Variants in RAPGEF5 observed in about 807,000 individuals in gnomAD.
RAPGEF5 encodes Rap guanine nucleotide exchange factor 5.
Under a neutral mutation model 125.2 loss-of-function variants are expected in RAPGEF5, and 65 were observed. The ratio of observed to expected loss-of-function variants is 0.52; its 90% CI spans 0.43 to 0.64. The LOEUF is 0.64. RAPGEF5 is among the 30% of genes least tolerant of loss of function. RAPGEF5 has a pLI of 0.00. For missense variants in RAPGEF5, 958 were observed against 1,048.1 expected, an observed-to-expected ratio of 0.91 and a Z score of 1.19; for synonymous variants, 391 against 385.9, an observed-to-expected ratio of 1.01 and a Z score of -0.16.
intron 19 of RAPGEF5, 51 bp downstream of exon 19, chr7:22,146,846 A>C: frequency 6.3e-7 from 1 of 1,575,120 alleles, no homozygotes; most frequent in Admixed American, 1.9e-5. Flanking sequence ...CTTCACAAAG[A>C]ATTCACAGTT....
chr7:22,157,744 T>C, intron 15 of RAPGEF5, 111 bp downstream of exon 15: 1 of 1,234,546 alleles, frequency 8.1e-7, no homozygotes, highest in East Asian at 2.4e-5. Flanking sequence ...CCCCGCCTTG[T>C]CGTGTTCTGC....
chr7:22,162,669 C>T (rs747295205), intron 12 of RAPGEF5, 128 bp from the exon 13 acceptor site: 13 of 944,368 alleles, frequency 1.4e-5, no homozygotes, highest in African/African-American at 5.0e-5. Flanking sequence ...ATAGAATATG[C>T]GTAGGGAGAG....
chr7:22,319,247 G>A (rs1352521119), intron 1 of RAPGEF5, among the ~76,000 whole-genome samples: 1 of 152,112 alleles, frequency 6.6e-6, no homozygotes, highest in Admixed American at 6.6e-5. Context: ...TATCTTTTGA[G>A]ATCCTATAGT....
intron 6 of RAPGEF5, among the ~76,000 whole-genome samples, chr7:22,280,634 T>C (rs1214868795): frequency 6.6e-6 from 1 of 152,252 alleles, no homozygotes; most frequent in African/African-American, 2.4e-5. Flanking sequence ...AATTTTTTCC[T>C]GCTTTTATCT....
intron 7 of RAPGEF5, among the ~76,000 whole-genome samples, chr7:22,249,244 T>G (rs938555434): frequency 6.6e-6 from 1 of 152,212 alleles, no homozygotes; most frequent in Non-Finnish European, 1.5e-5. Flanking sequence ...CAGGCTGAAG[T>G]GCAGTGGTGC....
chr7:22,140,652 C>G (rs1005118802), intron 20 of RAPGEF5, among the ~76,000 whole-genome samples: 1 of 152,152 alleles, frequency 6.6e-6, no homozygotes, highest in Non-Finnish European at 1.5e-5. Context: ...TTCCACATTT[C>G]TCAGTTAAAC....
chr7:22,156,144 A>G (rs1327878704), intron 16 of RAPGEF5, among the ~76,000 whole-genome samples: 2 of 152,258 alleles, frequency 1.3e-5, no homozygotes, highest in African/African-American at 2.4e-5. Flanking sequence ...GAATTTCAGC[A>G]TATGAAGAAA....
At chr7:22,143,796 T>G (rs1783341158) in intron 20 of RAPGEF5, among the ~76,000 whole-genome samples, 1 of 152,204 alleles carries the variant, frequency 6.6e-6, no homozygotes, top group South Asian at 2.1e-4. Flanking sequence ...TTCTAGGGCA[T>G]TCTCCCATTC....
intron 5 of RAPGEF5, among the ~76,000 whole-genome samples, chr7:22,291,817 G>A (rs1181684042): frequency 1.3e-5 from 2 of 152,196 alleles, no homozygotes. Flanking sequence ...TTATGCACGT[G>A]TTAAATAACT....
intron 11 of RAPGEF5, among the ~76,000 whole-genome samples, chr7:22,172,248 G>A (rs944332955): frequency 4.0e-5 from 6 of 151,790 alleles, no homozygotes; most frequent in Admixed American, 1.3e-4. Flanking sequence ...TCAGCCTCTG[G>A]AGCAACTGGG....
At position 22,293,283 on chromosome 7, in the gene RAPGEF5, C is replaced by T. The variant is rs554982687; in HGVS notation, c.681-2042G>A. Among the ~76,000 whole-genome samples the T allele has an allele frequency of 3.3e-5, 5 of 152,216 alleles. No homozygotes were observed. The East Asian group carries it at 9.7e-4, about 30-fold the overall frequency. On this transcript the variant is annotated intron_variant, in intron 5 of 25. Transcript: ENST00000665637. ...ACTTTATTTTCACCCACATGGGTAC[C>T]TTACAGGCTAACTCAACCTAACTCA...
chr7:22,340,645 C>A (rs766201625), intron 1 of RAPGEF5, among the ~76,000 whole-genome samples: 4 of 152,244 alleles, frequency 2.6e-5, no homozygotes, highest in Non-Finnish European at 5.9e-5. Context: ...AGCCCTTCCT[C>A]CACACTGAGC....
chr7:22,126,461 G>T (rs1782748758), intron 24 of RAPGEF5, among the ~76,000 whole-genome samples: 1 of 152,152 alleles, frequency 6.6e-6, no homozygotes, highest in African/African-American at 2.4e-5. Context: ...AGAGGGCTTT[G>T]GATGTGCAGA....
chr7:22,217,151 T>C (rs1785657392), intron 9 of RAPGEF5, among the ~76,000 whole-genome samples: 1 of 152,210 alleles, frequency 6.6e-6, no homozygotes, highest in Admixed American at 6.5e-5. Context: ...CTTAACTAGC[T>C]TTGGCCCAGG....
intron 17 of RAPGEF5, among the ~76,000 whole-genome samples, chr7:22,151,741 G>A (rs1013649112): frequency 2.0e-5 from 3 of 152,132 alleles, no homozygotes; most frequent in African/African-American, 7.2e-5. Context: ...TGGAATTACA[G>A]GTGGCAGCCA....
intron 20 of RAPGEF5, among the ~76,000 whole-genome samples, chr7:22,141,900 G>A (rs1430890482): frequency 6.6e-6 from 1 of 152,204 alleles, no homozygotes; most frequent in Non-Finnish European, 1.5e-5. Context: ...CTCCCAGTCT[G>A]TGACTGGGAA....
At chr7:22,315,569 T>G in intron 2 of RAPGEF5, 93 bp from the exon 3 acceptor site, 1 of 462,784 alleles carries the variant, frequency 2.2e-6, no homozygotes, top group Non-Finnish European at 2.8e-6. Context: ...ATATATATAT[T>G]TATATATATT....
intron 11 of RAPGEF5, among the ~76,000 whole-genome samples, chr7:22,179,442 G>A (rs929241434): frequency 6.6e-6 from 1 of 152,114 alleles, no homozygotes; most frequent in Admixed American, 6.6e-5. Context: ...ACTTGTTGAG[G>A]AGGATATCAG....
At chr7:22,184,807 G>A (rs577844382) in intron 11 of RAPGEF5, among the ~76,000 whole-genome samples, 1 of 152,314 alleles carries the variant, frequency 6.6e-6, no homozygotes, top group South Asian at 2.1e-4. Flanking sequence ...CAAAGGTGGT[G>A]AGAATAGATT....
Sources: allele counts gnomAD v4.1 joint callset (sites outside exome capture counted in the v4.1 genomes callset), GRCh38; gene constraint gnomAD v4.1.1; transcripts MANE v1.5; gene names NCBI Gene and HGNC (gene_info 2026-07-23, HGNC 2026-07-21).